The following NRG3 variants were observed in gnomAD, a reference collection of about 807,000 sequenced individuals.
NRG3 encodes the protein neuregulin 3.
A neutral mutation model predicts 66.9 loss-of-function variants in NRG3; 31 were observed. The ratio of observed to expected loss-of-function variants is 0.46; its 90% CI spans 0.35 to 0.63. The LOEUF is 0.63. Among genes scored for constraint, NRG3 ranks in the 20% least tolerant of loss-of-function variants. NRG3 has a pLI of 0.00. For missense variants in NRG3, 910 were observed against 878.9 expected, an observed-to-expected ratio of 1.04 and a Z score of -0.45; for synonymous variants, 393 against 359.4, an observed-to-expected ratio of 1.09 and a Z score of -1.06.
intron 1 of NRG3, among the ~76,000 whole-genome samples, chr10:82,319,877 T>G (rs1215058516): frequency 6.6e-6 from 1 of 152,164 alleles, no homozygotes; most frequent in Non-Finnish European, 1.5e-5. Context: ...TCAGAAAGAA[T>G]TTGGTTTCTT....
At chr10:81,929,968 C>G (rs1452052716) in intron 1 of NRG3, among the ~76,000 whole-genome samples, 1 of 152,130 alleles carries the variant, frequency 6.6e-6, no homozygotes, top group South Asian at 2.1e-4. Flanking sequence ...TCCAGATTAG[C>G]CCAACTACAG....
intron 4 of NRG3, among the ~76,000 whole-genome samples, chr10:82,927,741 C>T (rs748006020): frequency 3.9e-5 from 6 of 152,188 alleles, no homozygotes; most frequent in African/African-American, 1.4e-4. Flanking sequence ...TGCAGTCTAT[C>T]ATTGATGAGC....
At chr10:82,917,968 G>GTATATATATATA (rs1419038422) in intron 4 of NRG3, among the ~76,000 whole-genome samples, 97 of 97,204 alleles carry the variant, frequency 1.0e-3, no homozygotes, top group African/African-American at 3.0e-3. Context: ...GTGTGTGTGT[G>GTATATATATATA]TGTATATATA....
intron 1 of NRG3, among the ~76,000 whole-genome samples, chr10:82,036,866 C>T (rs528589006): frequency 5.3e-5 from 8 of 152,150 alleles, no homozygotes; most frequent in African/African-American, 1.7e-4. Context: ...ACATTAATGC[C>T]GAGTTCAAGG....
At chr10:82,790,991 A>G (rs541852350) in intron 3 of NRG3, among the ~76,000 whole-genome samples, 88 of 151,770 alleles carry the variant, frequency 5.8e-4, no homozygotes, top group African/African-American at 2.1e-3. Flanking sequence ...ATTTTATTTA[A>G]TTATTTAGAT....
chr10:82,515,853 A>G (rs10884903), intron 2 of NRG3, among the ~76,000 whole-genome samples: 9 of 152,084 alleles, frequency 5.9e-5, no homozygotes, highest in African/African-American at 2.2e-4. Flanking sequence ...GCAGAATGAG[A>G]TGGGGTTCCC....
At chr10:82,439,222 A>C (rs1021675556) in intron 2 of NRG3, among the ~76,000 whole-genome samples, 4 of 152,138 alleles carry the variant, frequency 2.6e-5, no homozygotes, top group African/African-American at 9.7e-5. Flanking sequence ...GGGTTTTTGT[A>C]AAATCAAGAT....
chr10:82,141,357 G>C (rs2069771043), intron 1 of NRG3, among the ~76,000 whole-genome samples: 1 of 152,126 alleles, frequency 6.6e-6, no homozygotes, highest in Admixed American at 6.6e-5. Flanking sequence ...TCCCTGCTGG[G>C]TTGAAGAGGC....
intron 2 of NRG3, among the ~76,000 whole-genome samples, chr10:82,450,746 T>C (rs1378995576): frequency 6.6e-6 from 1 of 152,200 alleles, no homozygotes; most frequent in Admixed American, 6.5e-5. Flanking sequence ...CAAAATCATT[T>C]ATCAAGTTCA....
rs1452006100 is a variant in NRG3, at chr10:82,959,086, T to C, written c.1284+11T>C. On this transcript the variant is annotated intron_variant, in intron 6 of 8. Coordinates refer to ENST00000372141, the MANE Select transcript of NRG3 (RefSeq NM_001010848.4). ...GTCCAGCTGCAAAATGTAAGTGACA[T>C]GTCTACACACCTCCTCCTATAGCCT... 4 of 1,589,052 alleles carry C rather than the reference T, an allele frequency of 2.5e-6. No homozygotes were observed. Among genetic ancestry groups the C allele is most frequent in the Non-Finnish European group, 3.4e-6 (4 of 1,171,092 alleles).
intron 3 of NRG3, among the ~76,000 whole-genome samples, chr10:82,838,306 A>G (rs1591677336): frequency 6.6e-6 from 1 of 152,284 alleles, no homozygotes; most frequent in East Asian, 1.9e-4. Flanking sequence ...TTATCAATAT[A>G]TACAGAAATG....
At chr10:82,497,094 G>C (rs573226335) in intron 2 of NRG3, among the ~76,000 whole-genome samples, 1 of 152,236 alleles carries the variant, frequency 6.6e-6, no homozygotes, top group Non-Finnish European at 1.5e-5. Context: ...TCTTAACTCT[G>C]TTGAGTATAT....
intron 2 of NRG3, among the ~76,000 whole-genome samples, chr10:82,396,217 C>T (rs989624650): frequency 1.1e-4 from 17 of 152,124 alleles, no homozygotes; most frequent in African/African-American, 3.6e-4. Context: ...TGTCCTCCCT[C>T]GCTGCCTCTG....
intron 2 of NRG3, among the ~76,000 whole-genome samples, chr10:82,545,203 G>T (rs1031638957): frequency 2.0e-5 from 3 of 152,040 alleles, no homozygotes; most frequent in Non-Finnish European, 2.9e-5. Context: ...TTTTGGATGG[G>T]TGGGAGGAAA....
intron 1 of NRG3, among the ~76,000 whole-genome samples, chr10:82,278,804 A>C (rs937353453): frequency 2.0e-5 from 3 of 152,254 alleles, no homozygotes; most frequent in African/African-American, 7.2e-5. Flanking sequence ...ATAGCTAAAA[A>C]GTATTAGAAG....
At chr10:82,739,398 A>C (rs1250281810) in intron 3 of NRG3, among the ~76,000 whole-genome samples, 1 of 152,182 alleles carries the variant, frequency 6.6e-6, no homozygotes, top group Non-Finnish European at 1.5e-5. Flanking sequence ...TGAATCAGCG[A>C]TTTAGTTTAG....
intron 1 of NRG3, among the ~76,000 whole-genome samples, chr10:82,265,146 T>C (rs2078230937): frequency 6.6e-6 from 1 of 152,066 alleles, no homozygotes; most frequent in South Asian, 2.1e-4. Flanking sequence ...ACCACCAAAA[T>C]TGGGGCCGCC....
At chr10:82,475,076 A>C (rs538788020) in intron 2 of NRG3, among the ~76,000 whole-genome samples, 1 of 152,172 alleles carries the variant, frequency 6.6e-6, no homozygotes, top group African/African-American at 2.4e-5. Flanking sequence ...AGCAAGAAAA[A>C]GCTAGCAGAA....
chr10:82,194,826 G>C (rs1450094041), intron 1 of NRG3, among the ~76,000 whole-genome samples: 2 of 152,142 alleles, frequency 1.3e-5, no homozygotes, highest in African/African-American at 4.8e-5. Flanking sequence ...GCTTGCGAAA[G>C]ACCTCGTATC....
Sources: gnomAD v4.1 joint callset for allele counts (sites outside exome capture counted in the v4.1 genomes callset) on GRCh38, gnomAD v4.1.1 for gene constraint, MANE v1.5 for transcripts, NCBI Gene and HGNC (gene_info 2026-07-23, HGNC 2026-07-21) for gene names.